Variants in FBXO25 observed in about 807,000 individuals in gnomAD.
FBXO25 encodes the protein F-box protein 25.
FBXO25 carries 45 observed loss-of-function variants against 51.9 expected under a neutral mutation model. The observed-to-expected ratio is 0.87, with a 90% CI of 0.68 to 1.11. FBXO25 has a LOEUF of 1.11. Ranked by LOEUF, FBXO25 falls within the 50% of genes most tolerant of loss-of-function variation. FBXO25 has a pLI of 0.00. For missense variants in FBXO25, 507 were observed against 428.5 expected (o/e 1.18, Z -1.62); for synonymous variants, 199 against 151.0 (o/e 1.32, Z -2.33).
chr8:422,520 A>G (rs542828726), intron 2 of FBXO25, among the ~76,000 whole-genome samples: 24 of 152,178 alleles, frequency 1.6e-4, no homozygotes, highest in Middle Eastern at 3.4e-3. Flanking sequence ...CAAAACAACA[A>G]AGCCTGTGGT....
chr8:458,123 C>G (rs1044245541), intron 7 of FBXO25, among the ~76,000 whole-genome samples: 3 of 152,218 alleles, frequency 2.0e-5, no homozygotes, highest in Non-Finnish European at 4.4e-5. Flanking sequence ...TGGGGAGGTG[C>G]AGCAGTAGGG....
rs1212149464 is a variant in FBXO25 at position 409,577 on chromosome 8, GAAGAT to G, written c.-8+2515_-8+2519del. 2.6e-5 allele frequency among the ~76,000 whole-genome samples: 4 copies of G among 152,196 alleles called. No homozygotes were observed. The East Asian group carries it at 7.7e-4, about 29-fold the overall frequency. On this transcript the variant is annotated intron_variant, in intron 1 of 9. Coordinates refer to ENST00000350302, the MANE Select transcript of FBXO25 (RefSeq NM_183420.2). ...AAATGTTATAAAGATTGTGAAACTA[GAAGAT>G]AAGTGTATTAAATGATGAGTGGGCA...
At chr8:426,905 A>C (rs1462286225) in intron 2 of FBXO25, among the ~76,000 whole-genome samples, 3 of 152,158 alleles carry the variant, frequency 2.0e-5, no homozygotes, top group East Asian at 1.9e-4. Context: ...TTAGATATTT[A>C]GGAAGGAAAT....
intron 1 of FBXO25, among the ~76,000 whole-genome samples, chr8:407,937 C>G (rs1379186777): frequency 2.0e-5 from 3 of 152,206 alleles, no homozygotes; most frequent in Admixed American, 2.0e-4. Context: ...ACTAAAGAAT[C>G]TAGAGAACCA....
chr8:449,350 C>T (rs933614236), intron 5 of FBXO25, among the ~76,000 whole-genome samples: 6 of 152,214 alleles, frequency 3.9e-5, no homozygotes, highest in African/African-American at 1.4e-4. Context: ...GGGCCTCGGT[C>T]ATCATTCCCA....
At chr8:451,929 T>C (rs1056414936) in intron 7 of FBXO25, among the ~76,000 whole-genome samples, 19 of 152,222 alleles carry the variant, frequency 1.2e-4, no homozygotes, top group African/African-American at 4.6e-4. Flanking sequence ...TTTTTGATAT[T>C]TTTTCTTTAT....
In FBXO25 at chr8:461,808, G is replaced by C. The variant is rs557627640; in HGVS notation, c.844-1199G>C. ...TTACCCTTTGCATGATGTCCTTACGGCTCCATGTTGTAGAATAAATCAGAG... is the reference window on the plus strand; with the variant it reads ...TTACCCTTTGCATGATGTCCTTACGCCTCCATGTTGTAGAATAAATCAGAG... On this transcript the variant is annotated intron_variant, in intron 8 of 9. Transcript: ENST00000350302. Among the ~76,000 whole-genome samples the C allele has an allele frequency of 3.3e-5, 5 of 152,180 alleles. No homozygotes were observed. In the South Asian group the frequency reaches 1.0e-3, roughly 32 times the overall value.
At chr8:447,450 T>C (rs754593356) in intron 5 of FBXO25, among the ~76,000 whole-genome samples, 30 of 152,124 alleles carry the variant, frequency 2.0e-4, no homozygotes, top group Non-Finnish European at 4.0e-4. Flanking sequence ...GATGGAATCA[T>C]GAGCAGACAG....
At chr8:410,685 G>T (rs1254667837) in intron 1 of FBXO25, among the ~76,000 whole-genome samples, 4 of 152,162 alleles carry the variant, frequency 2.6e-5, no homozygotes, top group Non-Finnish European at 4.4e-5. Context: ...CATGGGCATT[G>T]AGTTTTGCAT....
chr8:426,562 A>C (rs1163616762), intron 2 of FBXO25, among the ~76,000 whole-genome samples: 1 of 152,122 alleles, frequency 6.6e-6, no homozygotes, highest in Non-Finnish European at 1.5e-5. Flanking sequence ...GTGGTGGTCC[A>C]AGTGGCACAC....
intron 5 of FBXO25, among the ~76,000 whole-genome samples, chr8:443,053 A>G (rs957740422): frequency 1.3e-5 from 2 of 151,942 alleles, no homozygotes; most frequent in East Asian, 3.9e-4. Flanking sequence ...AGAAATGGCC[A>G]TTTCCATTGA....
At chr8:459,575 C>T (rs966959721) in intron 8 of FBXO25, among the ~76,000 whole-genome samples, 2 of 152,124 alleles carry the variant, frequency 1.3e-5, no homozygotes, top group Non-Finnish European at 2.9e-5. Context: ...GATCCTGCCT[C>T]AGGAAAATAA....
intron 5 of FBXO25, among the ~76,000 whole-genome samples, chr8:443,497 G>T (rs561626885): frequency 2.6e-5 from 4 of 151,726 alleles, no homozygotes; most frequent in Non-Finnish European, 5.9e-5. Flanking sequence ...CTAGAAGTCA[G>T]TGAACATTTG....
At chr8:435,419 C>G in intron 4 of FBXO25, 196 bp from the exon 5 acceptor site, 1 of 609,272 alleles carries the variant, frequency 1.6e-6, no homozygotes, top group Non-Finnish European at 2.8e-6. Context: ...AACGGTGTCT[C>G]AGGTATACAT....
At chr8:463,570 G>C (rs374386489) in intron 9 of FBXO25, among the ~76,000 whole-genome samples, 1 of 152,202 alleles carries the variant, frequency 6.6e-6, no homozygotes, top group Non-Finnish European at 1.5e-5. Context: ...CGACTCTGCA[G>C]GGCCAGGACC....
chr8:409,679 C>T (rs999012298), intron 1 of FBXO25, among the ~76,000 whole-genome samples: 5 of 151,962 alleles, frequency 3.3e-5, no homozygotes, highest in South Asian at 2.1e-4. Context: ...CTGAGGATAC[C>T]GGGATGTACA....
chr8:429,027 T>C (rs1213138896), intron 2 of FBXO25, among the ~76,000 whole-genome samples: 2 of 152,216 alleles, frequency 1.3e-5, no homozygotes, highest in East Asian at 1.9e-4. Flanking sequence ...TCTTTCATTC[T>C]CTGCTTTCAG....
At chr8:433,554 C>A (rs1797938963) in intron 4 of FBXO25, among the ~76,000 whole-genome samples, 2 of 152,148 alleles carry the variant, frequency 1.3e-5, no homozygotes, top group South Asian at 4.1e-4. Flanking sequence ...CCCTGCCTTT[C>A]TTTTGCCAAG....
At chr8:468,595 G>C (rs1800342840) in intron 9 of FBXO25, 120 bp from the exon 10 acceptor site, 1 of 700,804 alleles carries the variant, frequency 1.4e-6, no homozygotes, top group African/African-American at 1.8e-5. Context: ...TATCTCCCAT[G>C]TACCTCTGAG....
Sources: gnomAD v4.1 joint callset for allele counts (sites outside exome capture counted in the v4.1 genomes callset) on GRCh38, gnomAD v4.1.1 for gene constraint, MANE v1.5 for transcripts, NCBI Gene and HGNC (gene_info 2026-07-23, HGNC 2026-07-21) for gene names.